FCHSD2: variants seen among roughly 807,000 people sequenced by gnomAD.
FCHSD2 encodes F-BAR and double SH3 domains protein 2.
In FCHSD2, 38 loss-of-function variants were observed where a neutral mutation model predicts 108.1. The ratio of observed to expected loss-of-function variants is 0.35; its 90% CI spans 0.27 to 0.46. The LOEUF (loss-of-function observed/expected upper bound fraction) is 0.46. Ranked by LOEUF, FCHSD2 falls within the 20% of genes least tolerant of loss-of-function variation. FCHSD2 has a pLI of 1.00. For synonymous variants in FCHSD2, 279 were observed against 314.7 expected, an observed-to-expected ratio of 0.89 and a Z score of 1.20; for missense variants, 751 against 897.8, an observed-to-expected ratio of 0.84 and a Z score of 2.09.
At chr11:72,945,270 A>G (rs1241381711) in intron 8 of FCHSD2, among the ~76,000 whole-genome samples, 1 of 152,206 alleles carries the variant, frequency 6.6e-6, no homozygotes, top group Non-Finnish European at 1.5e-5. Flanking sequence ...CTGATCTTTG[A>G]CAAACCTGAC....
intron 3 of FCHSD2, among the ~76,000 whole-genome samples, chr11:73,039,964 T>A (rs1858594990): frequency 6.6e-6 from 1 of 152,220 alleles, no homozygotes; most frequent in South Asian, 2.1e-4. Flanking sequence ...CCAAAGATGA[T>A]ATGGAAATAC....
At chr11:73,016,739 T>C (rs1857982705) in intron 3 of FCHSD2, among the ~76,000 whole-genome samples, 1 of 152,236 alleles carries the variant, frequency 6.6e-6, no homozygotes, top group Non-Finnish European at 1.5e-5. Flanking sequence ...GGGTCTTTTC[T>C]TTTTAAATGA....
At chr11:72,857,613 ATT>A (rs761360218) in intron 13 of FCHSD2, among the ~76,000 whole-genome samples, 12 of 122,802 alleles carry the variant, frequency 9.8e-5, no homozygotes, top group Admixed American at 1.6e-4. Flanking sequence ...TAATTTTTGT[ATT>A]TTTTTTTTTT....
intron 8 of FCHSD2, among the ~76,000 whole-genome samples, chr11:72,983,098 T>C (rs1472307918): frequency 4.0e-5 from 6 of 151,738 alleles, no homozygotes; most frequent in Admixed American, 2.0e-4. Flanking sequence ...ATCGAGACCA[T>C]CCCGGCTAAA....
intron 2 of FCHSD2, among the ~76,000 whole-genome samples, chr11:73,132,737 T>C (rs1002574009): frequency 1.3e-5 from 2 of 151,128 alleles, no homozygotes; most frequent in African/African-American, 4.9e-5. Flanking sequence ...GGTGAGAGGA[T>C]TGCTTGATCC....
intron 8 of FCHSD2, among the ~76,000 whole-genome samples, chr11:72,948,434 G>A (rs926421765): frequency 6.6e-6 from 1 of 152,118 alleles, no homozygotes; most frequent in Non-Finnish European, 1.5e-5. Flanking sequence ...CATCAAGCAT[G>A]TAGACAAATA....
intron 12 of FCHSD2, among the ~76,000 whole-genome samples, chr11:72,878,127 C>T (rs1001160291): frequency 4.7e-5 from 7 of 150,202 alleles, no homozygotes; most frequent in Non-Finnish European, 8.9e-5. Context: ...CAATAAAATC[C>T]CTCTGGCTGG....
At chr11:73,037,420 G>T (rs935353720) in intron 3 of FCHSD2, among the ~76,000 whole-genome samples, 4 of 152,158 alleles carry the variant, frequency 2.6e-5, no homozygotes, top group Admixed American at 1.3e-4. Context: ...AAAATCCCCT[G>T]TGCTCTGCTA....
intron 8 of FCHSD2, among the ~76,000 whole-genome samples, chr11:72,944,234 G>A (rs1224866332): frequency 6.6e-6 from 1 of 152,132 alleles, no homozygotes; most frequent in Non-Finnish European, 1.5e-5. Context: ...GGGATGCAAG[G>A]CTGGTTCAAC....
At chr11:72,895,424 A>G (rs184731307) in intron 10 of FCHSD2, among the ~76,000 whole-genome samples, 96 of 152,340 alleles carry the variant, frequency 6.3e-4, no homozygotes, top group African/African-American at 2.3e-3. Flanking sequence ...AACACTTTTG[A>G]GAACATACCT....
intron 8 of FCHSD2, among the ~76,000 whole-genome samples, chr11:72,965,299 C>T (rs182498829): frequency 1.3e-5 from 2 of 152,250 alleles, no homozygotes; most frequent in African/African-American, 4.8e-5. Context: ...GGAAAGTTCT[C>T]CATTTGCCTG....
chr11:73,082,335 C>CA (rs750423401), intron 3 of FCHSD2, among the ~76,000 whole-genome samples: 4,028 of 34,310 alleles, frequency 0.12, 956 homozygotes, highest in Non-Finnish European at 0.14. Context: ...AGACTTGTCC[C>CA]AAAAAAAAAA....
chr11:73,013,500 A>G (rs1035681675), intron 4 of FCHSD2, among the ~76,000 whole-genome samples: 12 of 152,210 alleles, frequency 7.9e-5, no homozygotes, highest in African/African-American at 2.9e-4. Flanking sequence ...TTAACCGCTG[A>G]CATGTAGTAG....
intron 2 of FCHSD2, among the ~76,000 whole-genome samples, chr11:73,131,033 T>C (rs1860984030): frequency 6.6e-6 from 1 of 152,186 alleles, no homozygotes; most frequent in African/African-American, 2.4e-5. Context: ...GAATGAATTT[T>C]TAAATACCTG....
In FCHSD2 at chr11:72,843,738, C is replaced by G. The variant is rs113188552; in HGVS notation, c.1444-206G>C. On this transcript the variant is annotated intron_variant, in intron 14 of 19. Transcript: ENST00000409418. ...ACAGAATAAAACCATAACAAAAACTCAAGAAACTGAATCCTCAAGAGGCAA... is the reference window on the plus strand; with the variant it reads ...ACAGAATAAAACCATAACAAAAACTGAAGAAACTGAATCCTCAAGAGGCAA... 890 of 553,550 alleles carry G rather than the reference C, an allele frequency of 1.6e-3. 4 individuals carry two copies. The highest frequency in any genetic ancestry group is 0.014 in the African/African-American group (761 of 53,072). The allele number at this position is 553,550 out of a possible 1,614,324, so 34.3% of individuals were successfully genotyped here. A position where few individuals can be genotyped will look rare whatever the true frequency, so the allele number is the denominator to read the frequency against.
intron 3 of FCHSD2, among the ~76,000 whole-genome samples, chr11:73,056,497 A>G (rs1303892030): frequency 1.3e-5 from 2 of 152,204 alleles, no homozygotes; most frequent in African/African-American, 2.4e-5. Flanking sequence ...GTTTAGGTAC[A>G]TTTGTCTCTT....
chr11:72,905,874 T>C (rs1406323613), intron 9 of FCHSD2, among the ~76,000 whole-genome samples: 1 of 152,224 alleles, frequency 6.6e-6, no homozygotes, highest in African/African-American at 2.4e-5. Flanking sequence ...GTCTTTGCTA[T>C]TGTGAATAGT....
At chr11:72,941,094 G>C (rs913519523) in intron 8 of FCHSD2, 4 of 556,936 alleles carry the variant, frequency 7.2e-6, no homozygotes, top group Non-Finnish European at 1.3e-5. Context: ...AAACTCTCCA[G>C]TTCCACTGTT....
At chr11:72,865,516 C>G (rs911630917) in intron 13 of FCHSD2, among the ~76,000 whole-genome samples, 1 of 152,148 alleles carries the variant, frequency 6.6e-6, no homozygotes, top group Non-Finnish European at 1.5e-5. Flanking sequence ...CTGGACAGGT[C>G]TCAAAAATAC....
Sources: allele counts gnomAD v4.1 joint callset (sites outside exome capture counted in the v4.1 genomes callset), GRCh38; gene constraint gnomAD v4.1.1; transcripts MANE v1.5; gene names NCBI Gene and HGNC (gene_info 2026-07-23, HGNC 2026-07-21).